The following HOOK3 variants were observed in gnomAD, a reference collection of about 807,000 sequenced individuals.
The protein encoded by HOOK3 is hook microtubule tethering protein 3, also known as protein Hook homolog 3.
HOOK3 carries 24 observed loss-of-function variants against 116.3 expected under a neutral mutation model. The ratio of observed to expected loss-of-function variants is 0.21; its 90% confidence interval spans 0.15 to 0.29. HOOK3 has a LOEUF of 0.29. Among genes scored for constraint, HOOK3 ranks in the 10% least tolerant of loss-of-function variants. The probability of loss-of-function intolerance (pLI) is 1.00; values close to 1 mark genes in which losing one functional copy is unlikely to be tolerated. For missense variants in HOOK3, 632 were observed against 830.2 expected, an observed-to-expected ratio of 0.76 and a Z score of 2.93; for synonymous variants, 275 against 283.0, an observed-to-expected ratio of 0.97 and a Z score of 0.28.
At chr8:43,011,168 AT>A (rs1221750065) in intron 19 of HOOK3, among the ~76,000 whole-genome samples, 6 of 151,630 alleles carry the variant, frequency 4.0e-5, no homozygotes, top group Non-Finnish European at 5.9e-5. Context: ...AATTTTTTGT[AT>A]TTTTTAGTAG....
At chr8:42,974,032 A>C (rs1304997710) in intron 12 of HOOK3, 75 bp from the exon 13 acceptor site, 1 of 963,348 alleles carries the variant, frequency 1.0e-6, no homozygotes, top group East Asian at 2.4e-5. Context: ...TCATTCTATT[A>C]GGTAAGGCAG....
chr8:42,973,176 T>C (rs1294983870), intron 11 of HOOK3, 113 bp from the exon 12 acceptor site: 5 of 1,145,884 alleles, frequency 4.4e-6, no homozygotes, highest in African/African-American at 3.1e-5. Flanking sequence ...CTGGATCATA[T>C]GCATTTGAGT....
intron 5 of HOOK3, among the ~76,000 whole-genome samples, chr8:42,945,070 C>T (rs1012908114): frequency 4.6e-5 from 7 of 152,070 alleles, no homozygotes; most frequent in African/African-American, 1.7e-4. Context: ...TCGTTTCCAC[C>T]TCTCGCAGGC....
intron 15 of HOOK3, among the ~76,000 whole-genome samples, chr8:42,989,018 G>T (rs1212407421): frequency 6.6e-6 from 1 of 152,192 alleles, no homozygotes; most frequent in Admixed American, 6.5e-5. Flanking sequence ...TATGTCACCT[G>T]TCAGAAAGCA....
Position 43,029,986 on chromosome 8 carries a change from T to C in HOOK3, c.*11488T>C, listed in dbSNP as rs1586642009. The C allele has an allele frequency of 9.3e-6, 2 of 214,064 alleles. No individual in the cohort carries two copies. Among genetic ancestry groups the C allele is most frequent in the East Asian group, 7.0e-5 (1 of 14,214 alleles). 13.3% of individuals were successfully genotyped at this position (214,064 alleles called of 1,614,324 possible). A position where few individuals can be genotyped will look rare whatever the true frequency, so the allele number is the denominator to read the frequency against. On this transcript the variant is annotated 3_prime_UTR_variant, in exon 22 of 22. Coordinates refer to ENST00000307602, the MANE Select transcript of HOOK3 (RefSeq NM_032410.4). ...GTATATTCTTATTTCTGATTGAGTA[T>C]TGAATTTACATTTTTCAGAATTTCA...
chr8:43,007,674 AT>A (rs1809519220), intron 17 of HOOK3, among the ~76,000 whole-genome samples, 172 bp from the exon 18 acceptor site: 1 of 151,950 alleles, frequency 6.6e-6, no homozygotes, highest in South Asian at 2.1e-4. Flanking sequence ...TTTTGTCTTT[AT>A]TTTTTACTTA....
chr8:42,973,387 AAAAG>A lies in HOOK3; in HGVS notation c.1225_1228del (p.Glu409ArgfsTer4). 6.2e-7 allele frequency: 1 copy of A among 1,611,436 alleles called. No homozygotes were observed. Among genetic ancestry groups the A allele is most frequent in the Non-Finnish European group, 8.5e-7 (1 of 1,178,556 alleles). On this transcript the variant is annotated frameshift_variant, in exon 12 of 22. Transcript: ENST00000307602. LOFTEE classifies it high-confidence loss of function. Reference sequence around the variant, plus strand: ...TAAAAGAAAAAGTTGACAGTCTTCAAAAAGAAAAGGACGTGAGTATATATATTAG... The same window carrying A: ...TAAAAGAAAAAGTTGACAGTCTTCAAAAAAGGACGTGAGTATATATATTAG...
rs1472409372 is a variant in HOOK3, at chr8:43,020,969, G to A, written c.*2471G>A. On this transcript the variant is annotated 3_prime_UTR_variant, in exon 22 of 22. Coordinates refer to ENST00000307602, the MANE Select transcript of HOOK3 (RefSeq NM_032410.4). ...TACAAACAATTAGCCAGGCATGGTG[G>A]TGTGTGCCTGTAGTCCCAGCTACTT... The A allele has an allele frequency of 5.0e-5, 9 of 178,874 alleles. No individual in the cohort carries two copies. In the East Asian group the frequency reaches 8.4e-4, roughly 17 times the overall value. The allele number at this position is 178,874 out of a possible 1,614,324, so 11.1% of individuals were successfully genotyped here.
At chr8:42,901,597 C>T (rs920485422) in intron 1 of HOOK3, among the ~76,000 whole-genome samples, 3 of 148,534 alleles carry the variant, frequency 2.0e-5, no homozygotes, top group African/African-American at 7.9e-5. Flanking sequence ...ACATCTCTGA[C>T]CCTTATGAGC....
At chr8:42,927,247 TTTTTTTTTTTTTTGG>T (rs989170857) in intron 3 of HOOK3, among the ~76,000 whole-genome samples, 1 of 148,384 alleles carries the variant, frequency 6.7e-6, no homozygotes, top group African/African-American at 2.5e-5. Context: ...TGGCACTGGT[TTTTTTTTTTTTTTGG>T]TTTTTTTTTT....
rs550665187 is a variant in HOOK3, at chr8:42,928,090, G to A, written c.217-2032G>A. Among the ~76,000 whole-genome samples, 134 of 152,256 alleles carry A rather than the reference G, an allele frequency of 8.8e-4. 4 individuals carry two copies. In the South Asian group the frequency reaches 0.028, roughly 31 times the overall value. ...AGGTCAAGAGATCGAGACCATCCTG[G>A]CCAACATGGTGAAACCCCATTGTAC... On this transcript the variant is annotated intron_variant, in intron 3 of 21. Transcript: ENST00000307602.
chr8:42,935,932 T>G (rs904588229), intron 4 of HOOK3, among the ~76,000 whole-genome samples: 5 of 152,354 alleles, frequency 3.3e-5, no homozygotes, highest in Middle Eastern at 3.4e-3. Context: ...TTGAAGAAAG[T>G]CAGTGGTAGC....
intron 3 of HOOK3, among the ~76,000 whole-genome samples, chr8:42,927,152 A>G (rs2130359582): frequency 6.6e-6 from 1 of 152,284 alleles, no homozygotes; most frequent in Non-Finnish European, 1.5e-5. Context: ...TTTGATAAGA[A>G]AAGTATTTAT....
intron 8 of HOOK3, among the ~76,000 whole-genome samples, chr8:42,959,718 GAAAAAA>G (rs529721762): frequency 1.4e-4 from 4 of 29,042 alleles, no homozygotes; most frequent in Non-Finnish European, 2.6e-4. Flanking sequence ...GACTACATCT[GAAAAAA>G]AAAAAAAAAA....
rs918341140 is a variant in HOOK3, at chr8:42,939,070, A to C, written c.268-4243A>C. On this transcript the variant is annotated intron_variant, in intron 4 of 21. Transcript: ENST00000307602. ...ATCAACAGGATCCCAAGGCAGAAGA[A>C]TTTTTCTTAGTACAGAACAAAATGA... Among the ~76,000 whole-genome samples, 5 of 152,294 alleles carry C rather than the reference A, an allele frequency of 3.3e-5. 1 individual carries two copies. In the South Asian group the frequency reaches 1.0e-3, roughly 32 times the overall value.
chr8:42,945,557 C>T (rs1354735584), intron 5 of HOOK3, among the ~76,000 whole-genome samples: 6 of 152,152 alleles, frequency 3.9e-5, no homozygotes, highest in South Asian at 2.1e-4. Flanking sequence ...GTGATCCACC[C>T]GCCTTGGCTT....
intron 17 of HOOK3, among the ~76,000 whole-genome samples, chr8:43,002,586 C>G (rs183403964): frequency 1.0e-3 from 157 of 152,324 alleles, no homozygotes; most frequent in African/African-American, 3.6e-3. Flanking sequence ...TACGAACAGG[C>G]AGCAGTCTGG....
chr8:43,029,785 C>G lies in HOOK3; in HGVS notation c.*11287C>G, dbSNP rs1186505390. 9.7e-6 allele frequency: 2 copies of G among 206,966 alleles called. No homozygotes were observed. The highest frequency in any genetic ancestry group is 4.6e-5 in the African/African-American group (2 of 43,824). The allele number at this position is 206,966 out of a possible 1,614,324, so 12.8% of individuals were successfully genotyped here. ...GTATTTTTAAAACTTTTTAGATGAG[C>G]TGGATGAAACCTTAGTACATTGGAG... is the stretch of plus-strand genomic sequence containing the variant. On this transcript the variant is annotated 3_prime_UTR_variant, in exon 22 of 22. Transcript: ENST00000307602.
intron 11 of HOOK3, among the ~76,000 whole-genome samples, chr8:42,968,769 G>A (rs75524513): frequency 0.049 from 7,493 of 152,140 alleles, 408 homozygotes; most frequent in East Asian, 0.23. Flanking sequence ...ATATACAAAT[G>A]TAAAAGCATA....
Sources: allele counts gnomAD v4.1 joint callset (sites outside exome capture counted in the v4.1 genomes callset), GRCh38; gene constraint gnomAD v4.1.1; transcripts MANE v1.5; gene names NCBI Gene and HGNC (gene_info 2026-07-23, HGNC 2026-07-21).